The following KIAA0319L variants were observed in gnomAD, a reference collection of about 807,000 sequenced individuals.
The protein encoded by KIAA0319L is dyslexia-associated protein KIAA0319-like protein.
A neutral mutation model predicts 120.1 loss-of-function variants in KIAA0319L; 55 were observed. The ratio of observed to expected loss-of-function variants is 0.46; its 90% CI spans 0.37 to 0.57. KIAA0319L has a LOEUF of 0.57. KIAA0319L is among the 20% of genes least tolerant of loss of function. The pLI, the probability that KIAA0319L is intolerant of heterozygous loss-of-function variation, is 0.00. For missense variants in KIAA0319L, 1,049 were observed against 1,255.3 expected, an observed-to-expected ratio of 0.84 and a Z score of 2.48; for synonymous variants, 398 against 471.9, an observed-to-expected ratio of 0.84 and a Z score of 2.03.
chr1:35,540,502 G>A (rs758425422), intron 2 of KIAA0319L, among the ~76,000 whole-genome samples: 1 of 152,004 alleles, frequency 6.6e-6, no homozygotes, highest in Admixed American at 6.6e-5. Flanking sequence ...TTCCAACTTG[G>A]GGGCAAAGGC....
chr1:35,555,351 C>CA (rs1479900327), intron 1 of KIAA0319L, among the ~76,000 whole-genome samples: 1 of 152,186 alleles, frequency 6.6e-6, no homozygotes, highest in Non-Finnish European at 1.5e-5. Context: ...CACAGGCTGC[C>CA]AACCCCTAAC....
intron 4 of KIAA0319L, among the ~76,000 whole-genome samples, chr1:35,478,276 T>G (rs1282662641): frequency 5.5e-5 from 6 of 109,438 alleles, no homozygotes; most frequent in African/African-American, 1.4e-4. Context: ...AGTGTGGGGG[T>G]AAGAGGGAGG....
At chr1:35,507,309 G>A (rs1481299017) in intron 2 of KIAA0319L, among the ~76,000 whole-genome samples, 174 bp from the exon 3 acceptor site, 2 of 151,966 alleles carry the variant, frequency 1.3e-5, no homozygotes, top group Non-Finnish European at 2.9e-5. Flanking sequence ...TTTTGTCTTC[G>A]GATATTTTAG....
intron 3 of KIAA0319L, among the ~76,000 whole-genome samples, chr1:35,489,984 A>T (rs1322966238): frequency 1.3e-5 from 2 of 149,950 alleles, no homozygotes; most frequent in East Asian, 4.0e-4. Flanking sequence ...TTTCTGAGAC[A>T]GGGTCTCACT....
At chr1:35,450,598 AAG>A in intron 13 of KIAA0319L, 89 bp from the exon 14 acceptor site, 4 of 1,296,290 alleles carry the variant, frequency 3.1e-6, no homozygotes, top group Non-Finnish European at 4.3e-6. Flanking sequence ...TTAAAACATC[AAG>A]AGTACCTTAA....
chr1:35,510,772 A>T (rs1258664374), intron 2 of KIAA0319L, among the ~76,000 whole-genome samples: 1 of 151,702 alleles, frequency 6.6e-6, no homozygotes, highest in Non-Finnish European at 1.5e-5. Flanking sequence ...GTGTCTGGCT[A>T]ATTTTTTAAC....
chr1:35,492,987 C>A (rs900372389), intron 3 of KIAA0319L, among the ~76,000 whole-genome samples: 1 of 152,086 alleles, frequency 6.6e-6, no homozygotes, highest in Non-Finnish European at 1.5e-5. Flanking sequence ...AGCAAGAGCT[C>A]ATCTCCACAA....
At chr1:35,445,244 CCA>C (rs1641533090) in intron 16 of KIAA0319L, among the ~76,000 whole-genome samples, 1 of 152,138 alleles carries the variant, frequency 6.6e-6, no homozygotes, top group African/African-American at 2.4e-5. Context: ...AGAAGTACTG[CCA>C]CAGACTTTCT....
chr1:35,451,538 A>G (rs1642062987), intron 13 of KIAA0319L, 90 bp downstream of exon 13: 2 of 1,306,920 alleles, frequency 1.5e-6, no homozygotes, highest in Non-Finnish European at 2.2e-6. Context: ...TGCTATCTCT[A>G]ATCAATTTCT....
intron 3 of KIAA0319L, among the ~76,000 whole-genome samples, chr1:35,482,539 C>T (rs1644219166): frequency 2.0e-5 from 3 of 151,894 alleles, no homozygotes; most frequent in African/African-American, 7.2e-5. Flanking sequence ...AAGCGATTCT[C>T]CTGCCTCAGC....
intron 10 of KIAA0319L, chr1:35,454,767 G>T: frequency 4.7e-6 from 2 of 422,618 alleles, no homozygotes; most frequent in Non-Finnish European, 7.6e-6. Context: ...AATGTGCAGA[G>T]ATTACCAAGG....
chr1:35,511,048 G>A (rs1259263885), intron 2 of KIAA0319L: 4 of 152,182 alleles, frequency 2.6e-5, no homozygotes, highest in African/African-American at 9.7e-5. Context: ...GTAAGAGCTT[G>A]ACTCTTATTA....
intron 2 of KIAA0319L, among the ~76,000 whole-genome samples, chr1:35,513,288 A>ATATATATATATATTTTTTT (rs1414704674): frequency 2.3e-5 from 2 of 85,338 alleles, no homozygotes; most frequent in East Asian, 2.9e-4. Flanking sequence ...ATATATATAT[A>ATATATATATATATTTTTTT]TTTTTTTTTT....
chr1:35,468,630 A>G (rs11264159), intron 6 of KIAA0319L, among the ~76,000 whole-genome samples: 16,077 of 152,160 alleles, frequency 0.11, 2,020 homozygotes, highest in African/African-American at 0.29. Flanking sequence ...ATCCACCCAG[A>G]TACCTAAGCC....
chr1:35,551,024 G>A (rs902874742), intron 2 of KIAA0319L, among the ~76,000 whole-genome samples: 1 of 152,202 alleles, frequency 6.6e-6, no homozygotes, highest in Non-Finnish European at 1.5e-5. Context: ...CTATCTAAGT[G>A]TATCCTTCAG....
At chr1:35,444,498 G>A (rs1189511378) in intron 16 of KIAA0319L, among the ~76,000 whole-genome samples, 195 bp from the exon 17 acceptor site, 2 of 152,226 alleles carry the variant, frequency 1.3e-5, no homozygotes, top group South Asian at 2.1e-4. Flanking sequence ...GGCTTTGTAA[G>A]AGGGGTTAAG....
intron 9 of KIAA0319L, among the ~76,000 whole-genome samples, chr1:35,458,205 G>A (rs972422689): frequency 1.1e-4 from 17 of 152,190 alleles, no homozygotes; most frequent in South Asian, 6.2e-4. Flanking sequence ...CAAAGTGATG[G>A]GATTACAGGC....
In KIAA0319L at chr1:35,457,309, T is replaced by A. The variant is rs149359210; in HGVS notation, c.1428-1068A>T. Among the ~76,000 whole-genome samples the A allele has an allele frequency of 1.5e-4, 23 of 152,172 alleles. No homozygotes were observed. The East Asian group carries it at 4.1e-3, about 27-fold the overall frequency. On this transcript the variant is annotated intron_variant, in intron 9 of 20. Transcript: ENST00000325722. ...CCTACGCTATGTAGTGCAAGCTCCG[T>A]CTGCAGCAGGCTGTTTTCCCATCAT...
In KIAA0319L at chr1:35,437,041, G is replaced by A. The variant is rs541462072; in HGVS notation, c.2963-1960C>T. 1.6e-4 allele frequency among the ~76,000 whole-genome samples: 24 copies of A among 152,226 alleles called. No homozygotes were observed. Among genetic ancestry groups the A allele is most frequent in the South Asian group, 6.2e-4 (3 of 4,820 alleles). ...CTTCCGGCCTGCTCAGACCCACACC[G>A]AACCTGAGCGGGCTCTCCCAGCTCC... On this transcript the variant is annotated intron_variant, in intron 20 of 20. Coordinates refer to ENST00000325722, the MANE Select transcript of KIAA0319L (RefSeq NM_024874.5). The surrounding 1 kb of genome is among the most constrained non-coding windows in gnomAD (Gnocchi z 4.1).
Sources: allele counts gnomAD v4.1 joint callset (sites outside exome capture counted in the v4.1 genomes callset), GRCh38; gene constraint gnomAD v4.1.1; non-coding constraint Gnocchi (gnomAD v3.1); transcripts MANE v1.5; gene names NCBI Gene and HGNC (gene_info 2026-07-23, HGNC 2026-07-21).